The following PDE1C variants were observed in gnomAD, a reference collection of about 807,000 sequenced individuals.
PDE1C encodes dual specificity calcium/calmodulin-dependent 3',5'-cyclic nucleotide phosphodiesterase 1C.
A neutral mutation model predicts 93.1 loss-of-function variants in PDE1C; 62 were observed. The ratio of observed to expected loss-of-function variants is 0.67; its 90% CI spans 0.54 to 0.82. The LOEUF is 0.82. Among genes scored for constraint, PDE1C ranks in the 40% least tolerant of loss-of-function variants. The pLI, the probability that PDE1C is intolerant of heterozygous loss-of-function variation, is 0.00. For missense variants in PDE1C, 742 were observed against 884.6 expected, an observed-to-expected ratio of 0.84 and a Z score of 2.04; for synonymous variants, 325 against 310.1, an observed-to-expected ratio of 1.05 and a Z score of -0.50.
At chr7:32,305,118 C>T (rs1812967163) in intron 1 of PDE1C, among the ~76,000 whole-genome samples, 2 of 152,310 alleles carry the variant, frequency 1.3e-5, no homozygotes, top group South Asian at 4.1e-4. Flanking sequence ...GAGTCTGGGG[C>T]TTGCACAGCG....
At chr7:32,142,939 GT>G (rs2128781930) in intron 3 of PDE1C, among the ~76,000 whole-genome samples, 1 of 152,248 alleles carries the variant, frequency 6.6e-6, no homozygotes, top group East Asian at 1.9e-4. Context: ...AGTTCAAAGT[GT>G]GGAGAGACCA....
chr7:31,877,326 T>TA (rs1177743592), intron 5 of PDE1C, among the ~76,000 whole-genome samples: 1 of 152,068 alleles, frequency 6.6e-6, no homozygotes, highest in African/African-American at 2.4e-5. Flanking sequence ...TGACTAGAGG[T>TA]AATTCTGCAG....
intron 2 of PDE1C, among the ~76,000 whole-genome samples, chr7:31,973,314 T>G (rs2129051034): frequency 6.6e-6 from 1 of 152,220 alleles, no homozygotes; most frequent in South Asian, 2.1e-4. Context: ...AACTAAAAAC[T>G]TCCCATATTT....
chr7:32,421,086 A>AACACACAC (rs3079693), intron 1 of PDE1C, among the ~76,000 whole-genome samples: 15 of 150,512 alleles, frequency 1.0e-4, no homozygotes, highest in Non-Finnish European at 7.4e-5. Context: ...GATTAAAACT[A>AACACACAC]ACACACACAC....
At chr7:31,651,404 G>T in the PDE1C span, 20 of 1,071,416 alleles carry the variant, frequency 1.9e-5, no homozygotes, top group East Asian at 5.6e-4. Context: ...TTGCTTTCTT[G>T]GTCTTGTTCT....
At chr7:31,909,903 T>TG (rs1409087144) in intron 2 of PDE1C, among the ~76,000 whole-genome samples, 4 of 152,090 alleles carry the variant, frequency 2.6e-5, no homozygotes, top group African/African-American at 9.7e-5. Context: ...CTCTTTGTTG[T>TG]GGGGGCTGTC....
chr7:32,196,337 C>A (rs1056489059), intron 2 of PDE1C, among the ~76,000 whole-genome samples: 8 of 152,100 alleles, frequency 5.3e-5, no homozygotes, highest in African/African-American at 1.9e-4. Flanking sequence ...TGCTAGGCTT[C>A]CCCTTTCCTG....
At chr7:31,967,488 A>C (rs916918739) in intron 2 of PDE1C, among the ~76,000 whole-genome samples, 1 of 152,240 alleles carries the variant, frequency 6.6e-6, no homozygotes, top group African/African-American at 2.4e-5. Context: ...AACCAAAGAA[A>C]GTCCACGACC....
chr7:31,708,580 G>C, the PDE1C span: 1 of 152,352 alleles, frequency 6.6e-6, no homozygotes, highest in East Asian at 1.9e-4. Context: ...TAGGCCTGCA[G>C]AGATTTTAAA....
At chr7:31,928,993 T>G (rs1803800358) in intron 2 of PDE1C, among the ~76,000 whole-genome samples, 1 of 151,772 alleles carries the variant, frequency 6.6e-6, no homozygotes, top group Admixed American at 6.6e-5. Flanking sequence ...GACTGGCAAA[T>G]TGGATAAAGA....
chr7:31,818,441 T>C (rs1267051677), intron 14 of PDE1C, among the ~76,000 whole-genome samples: 2 of 152,180 alleles, frequency 1.3e-5, no homozygotes, highest in East Asian at 3.9e-4. Context: ...GTGCTTAGCA[T>C]GGTGCCTGGT....
chr7:31,657,135 TATA>T, the PDE1C span, among the ~76,000 whole-genome samples: 1 of 149,280 alleles, frequency 6.7e-6, no homozygotes, highest in South Asian at 2.1e-4. Flanking sequence ...ATCAAATATA[TATA>T]ATCATATATA....
chr7:31,703,443 TG>T, the PDE1C span, among the ~76,000 whole-genome samples: 1 of 151,948 alleles, frequency 6.6e-6, no homozygotes, highest in African/African-American at 2.4e-5. Flanking sequence ...AGAGTTGGGG[TG>T]GGAAGGGGGA....
chr7:31,617,401 A>G, the PDE1C span, among the ~76,000 whole-genome samples: 1 of 152,344 alleles, frequency 6.6e-6, no homozygotes, highest in Non-Finnish European at 1.5e-5. Context: ...TTTCTGAGGT[A>G]GGCAAGAGAG....
At chr7:31,737,767 C>T in the PDE1C span, among the ~76,000 whole-genome samples, 13 of 147,824 alleles carry the variant, frequency 8.8e-5, no homozygotes, top group Non-Finnish European at 3.0e-5. Context: ...CACCATTGCA[C>T]TCCAGCCTGG....
At chr7:31,850,355 C>A (rs2072429) in intron 8 of PDE1C, among the ~76,000 whole-genome samples, 26,724 of 151,900 alleles carry the variant, frequency 0.18, 2,445 homozygotes, top group Middle Eastern at 0.24. Flanking sequence ...AGAAGTAGGT[C>A]AAGTATGTAC....
At chr7:31,829,846 A>G (rs1790155556) in intron 11 of PDE1C, among the ~76,000 whole-genome samples, 1 of 152,234 alleles carries the variant, frequency 6.6e-6, no homozygotes, top group African/African-American at 2.4e-5. Flanking sequence ...AAGTGCATTT[A>G]TAACATAAAT....
At chr7:32,057,389 A>ATG (rs144830587) in intron 1 of PDE1C, among the ~76,000 whole-genome samples, 2 of 152,180 alleles carry the variant, frequency 1.3e-5, no homozygotes, top group Non-Finnish European at 2.9e-5. Flanking sequence ...TAAATGATGC[A>ATG]TGTGTGTGTG....
intron 15 of PDE1C, among the ~76,000 whole-genome samples, chr7:31,814,893 C>A (rs1426783296): frequency 6.6e-6 from 1 of 151,794 alleles, no homozygotes; most frequent in Non-Finnish European, 1.5e-5. Flanking sequence ...TGACTTGAAT[C>A]TAGGTCTGTT....
Sources: allele counts gnomAD v4.1 joint callset (sites outside exome capture counted in the v4.1 genomes callset), GRCh38; gene constraint gnomAD v4.1.1; transcripts MANE v1.5; gene names NCBI Gene and HGNC (gene_info 2026-07-23, HGNC 2026-07-21).